The following TNS4 variants were observed in gnomAD, a reference collection of about 807,000 sequenced individuals.
The protein encoded by TNS4 is tensin 4, also known as tensin-4.
Under a neutral mutation model 70.4 loss-of-function variants are expected in TNS4, and 46 were observed. That is an observed-to-expected ratio of 0.65 (90% CI 0.52 to 0.84). The LOEUF (loss-of-function observed/expected upper bound fraction) is 0.84. Among genes scored for constraint, TNS4 ranks in the 40% least tolerant of loss-of-function variants. The pLI, the probability that TNS4 is intolerant of heterozygous loss-of-function variation, is 0.00. For missense variants in TNS4, 863 were observed against 907.0 expected (o/e 0.95, Z 0.62); for synonymous variants, 390 against 366.6 (o/e 1.06, Z -0.73).
chr17:40,483,471 G>A (rs2035952485), intron 6 of TNS4, among the ~76,000 whole-genome samples: 1 of 152,202 alleles, frequency 6.6e-6, no homozygotes, highest in Non-Finnish European at 1.5e-5. Flanking sequence ...AAAGTGCTGG[G>A]ATTACTGGCG....
At position 40,496,436 on chromosome 17, in the gene TNS4, G is replaced by T; in HGVS notation, c.-11C>A. 1 of 1,608,724 alleles carries T rather than the reference G, an allele frequency of 6.2e-7. No homozygotes were observed. ...CATCACCTGGGACATGGTGGGGGTG[G>T]TGACCTCTGCAGTTTACCTCTGGTC... On this transcript the variant is annotated 5_prime_UTR_variant, in exon 2 of 13. Coordinates refer to ENST00000254051, the MANE Select transcript of TNS4 (RefSeq NM_032865.6).
intron 5 of TNS4, 74 bp downstream of exon 5, chr17:40,484,847 G>A (rs954818644): frequency 7.1e-6 from 11 of 1,556,688 alleles, no homozygotes; most frequent in Middle Eastern, 1.7e-4. Context: ...TTCCTTAACT[G>A]TAACCCAGGG....
intron 1 of TNS4, among the ~76,000 whole-genome samples, chr17:40,497,171 C>G (rs891555781): frequency 6.6e-6 from 1 of 152,120 alleles, no homozygotes; most frequent in African/African-American, 2.4e-5. Flanking sequence ...AGGGAAGGGA[C>G]AGTGCACTTT....
chr17:40,487,486 G>T (rs374736324), intron 3 of TNS4, 26 bp from the exon 4 acceptor site: 1 of 1,577,578 alleles, frequency 6.3e-7, no homozygotes, highest in South Asian at 1.2e-5. Context: ...GTCAGACAGG[G>T]TGTTAGGGCA....
At chr17:40,487,810 A>G (rs2036012129) in intron 3 of TNS4, among the ~76,000 whole-genome samples, 1 of 152,192 alleles carries the variant, frequency 6.6e-6, no homozygotes, top group African/African-American at 2.4e-5. Flanking sequence ...CATGACTCCC[A>G]GGAGCCCTGC....
chr17:40,492,709 A>G (rs927573552), intron 2 of TNS4, among the ~76,000 whole-genome samples: 1 of 151,534 alleles, frequency 6.6e-6, no homozygotes, highest in Non-Finnish European at 1.5e-5. Context: ...CCTGGGCAAC[A>G]TGGTGAGACT....
chr17:40,480,628 G>T (rs2035909388), intron 9 of TNS4, 72 bp downstream of exon 9: 2 of 1,376,888 alleles, frequency 1.5e-6, no homozygotes, highest in African/African-American at 1.5e-5. Context: ...GCATGCGTGC[G>T]TGTGTGCAGG....
At position 40,488,668 on chromosome 17, in the gene TNS4, G is replaced by A; in HGVS notation, c.741C>T (p.Gly247=). The change falls in exon 3 of 13, where the codon GGC becomes GGT. Residue 247 remains glycine, a synonymous_variant. Transcript: ENST00000254051. ...GTCTTGGAGAAGCCACCAGCGGGGA[G>A]CCCAAACCATGGGGGCTCGAGGCCT... The part of the protein sequence containing the change: ...GSKASSPHGL[G]SPLVASPRLE... 7 of 1,569,392 alleles carry A rather than the reference G, an allele frequency of 4.5e-6. No homozygotes were observed. Among genetic ancestry groups the A allele is most frequent in the Non-Finnish European group, 6.0e-6 (7 of 1,157,166 alleles).
rs1304509946 is a variant in TNS4, at chr17:40,477,395, G to A, written c.*193C>T. The A allele has an allele frequency of 1.3e-5, 8 of 607,314 alleles. No individual in the cohort carries two copies. Among genetic ancestry groups the A allele is most frequent in the Non-Finnish European group, 2.2e-5 (8 of 364,476 alleles). The allele number at this position is 607,314 out of a possible 1,614,324, so 37.6% of individuals were successfully genotyped here. On this transcript the variant is annotated 3_prime_UTR_variant, in exon 13 of 13. Coordinates refer to ENST00000254051, the MANE Select transcript of TNS4 (RefSeq NM_032865.6). Reference sequence around the variant, plus strand: ...CTTCTTCTATGATTGAGGAAACTGAGGCCCGGGGGGTCTGGATGATGGTGA... The same window carrying A: ...CTTCTTCTATGATTGAGGAAACTGAAGCCCGGGGGGTCTGGATGATGGTGA...
chr17:40,482,370 A>C lies in TNS4; in HGVS notation c.1548T>G (p.Ser516=). 1 of 1,614,130 alleles carries C rather than the reference A, an allele frequency of 6.2e-7. No individual in the cohort carries two copies. The highest frequency in any genetic ancestry group is 8.5e-7 in the Non-Finnish European group (1 of 1,180,026). The change falls in exon 7 of 13, where the codon TCT becomes TCG. Residue 516 remains serine (S), a synonymous_variant. Coordinates refer to ENST00000254051, the MANE Select transcript of TNS4 (RefSeq NM_032865.6). ...DLIRHFLIES[S]AKGVHLKGAD... ...CTCCTTTGAGATGCACTCCTTTGGCAGACGACTCGATGAGGAAGTGTCGGA... is the reference window on the plus strand; with the variant it reads ...CTCCTTTGAGATGCACTCCTTTGGCCGACGACTCGATGAGGAAGTGTCGGA...
intron 2 of TNS4, among the ~76,000 whole-genome samples, chr17:40,494,799 G>A (rs2036122426): frequency 6.6e-6 from 1 of 151,408 alleles, no homozygotes; most frequent in African/African-American, 2.4e-5. Flanking sequence ...TACATAAAGT[G>A]CTCAGCACAG....
chr17:40,479,410 G>A (rs1185695202), intron 10 of TNS4, among the ~76,000 whole-genome samples: 1 of 152,156 alleles, frequency 6.6e-6, no homozygotes, highest in Non-Finnish European at 1.5e-5. Flanking sequence ...GCCTCCCAAA[G>A]TGCTGGGATT....
intron 2 of TNS4, among the ~76,000 whole-genome samples, chr17:40,489,917 C>T (rs1329637230): frequency 2.6e-5 from 4 of 152,120 alleles, no homozygotes; most frequent in Non-Finnish European, 5.9e-5. Context: ...ATTAAACTCT[C>T]CAGGGGGTGA....
chr17:40,496,097 A>G lies in TNS4; in HGVS notation c.329T>C (p.Leu110Pro). 1 of 1,612,242 alleles carries G rather than the reference A, an allele frequency of 6.2e-7. No individual in the cohort carries two copies. The highest frequency in any genetic ancestry group is 8.5e-7 in the Non-Finnish European group (1 of 1,179,326). The change falls in exon 2 of 13, where the codon CTG becomes CCG. Residue 110 changes from leucine to proline, a missense_variant. Leu to Pro is a moderately conservative substitution (Grantham distance 98). Transcript: ENST00000254051. ...CAGCTGGAAGGTGGGGTCCAGTTCC[A>G]GGATCATCTGATTGAGGCTCTCCAG... ...FSLESLNQMI[L>P]ELDPTFQLLP...
chr17:40,494,174 A>G (rs2036110664), intron 2 of TNS4, among the ~76,000 whole-genome samples: 2 of 152,256 alleles, frequency 1.3e-5, no homozygotes, highest in Non-Finnish European at 2.9e-5. Flanking sequence ...TGCAACCCCA[A>G]TGTTTAATAA....
chr17:40,480,623 C>A (rs973868777), intron 9 of TNS4, 77 bp downstream of exon 9: 2 of 1,346,400 alleles, frequency 1.5e-6, no homozygotes, highest in Non-Finnish European at 2.0e-6. Flanking sequence ...TGCGTGCATG[C>A]GTGCGTGTGT....
rs149348991 is a variant in TNS4 at position 40,484,299 on chromosome 17, C to T, written c.1501+185G>A. Among the ~76,000 whole-genome samples, 425 of 152,216 alleles carry T rather than the reference C, an allele frequency of 2.8e-3. 2 individuals are homozygous for T. The highest frequency in any genetic ancestry group is 9.8e-3 in the African/African-American group (406 of 41,536). On this transcript the variant is annotated intron_variant, in intron 6 of 12. Coordinates refer to ENST00000254051, the MANE Select transcript of TNS4 (RefSeq NM_032865.6). ...AAGCACGCAGGCTTGCTGTGAAAGGCGTTTTTCAGGGTGCCTTGGGGCTGG... is the reference window on the plus strand; with the variant it reads ...AAGCACGCAGGCTTGCTGTGAAAGGTGTTTTTCAGGGTGCCTTGGGGCTGG...
chr17:40,496,977 C>T (rs949531752), intron 1 of TNS4, among the ~76,000 whole-genome samples: 3 of 152,058 alleles, frequency 2.0e-5, no homozygotes, highest in African/African-American at 7.2e-5. Flanking sequence ...TATTATTATC[C>T]CATTTTACAG....
Position 40,488,848 on chromosome 17 carries a change from G to C in TNS4, c.561C>G (p.Ser187=). The stretch of plus-strand genomic sequence containing the variant: ...TTCGTGTCTCTCGGGGGACGTCTCT[G>C]GAAAGGAGGAGGCCACCACTGCGAA... ...GSLRSGGLLL[S]RDVPRETRSS... is the part of the protein sequence containing the mutation. The change falls in exon 3 of 13, where the codon TCC becomes TCG. Residue 187 remains serine (S), a synonymous_variant. Coordinates refer to ENST00000254051, the MANE Select transcript of TNS4 (RefSeq NM_032865.6). The C allele has an allele frequency of 6.2e-7, 1 of 1,613,636 alleles. No homozygotes were observed. The highest frequency in any genetic ancestry group is 8.5e-7 in the Non-Finnish European group (1 of 1,179,958).
Sources: allele counts gnomAD v4.1 joint callset (sites outside exome capture counted in the v4.1 genomes callset), GRCh38; gene constraint gnomAD v4.1.1; transcripts MANE v1.5; gene names NCBI Gene and HGNC (gene_info 2026-07-23, HGNC 2026-07-21).